AKAP19: variants seen among roughly 807,000 people sequenced by gnomAD.
The protein encoded by AKAP19 is A-kinase anchoring protein 19.
At chr2:189,884,942 T>C in the AKAP19 span, among the ~76,000 whole-genome samples, 2 of 152,224 alleles carry the variant, frequency 1.3e-5, no homozygotes, top group African/African-American at 4.8e-5. Flanking sequence ...AGATAGATTT[T>C]TAATGCAAAT....
the AKAP19 span, among the ~76,000 whole-genome samples, chr2:189,952,056 C>T: frequency 4.6e-5 from 7 of 152,192 alleles, no homozygotes; most frequent in African/African-American, 1.7e-4. Flanking sequence ...CTGGTCACTG[C>T]CTCACAATGT....
At chr2:190,162,738 T>C in the AKAP19 span, among the ~76,000 whole-genome samples, 2 of 152,208 alleles carry the variant, frequency 1.3e-5, no homozygotes, top group African/African-American at 2.4e-5. Flanking sequence ...TAAGCTCCGA[T>C]GGACATATCA....
At chr2:189,959,893 T>G in the AKAP19 span, among the ~76,000 whole-genome samples, 2 of 152,210 alleles carry the variant, frequency 1.3e-5, no homozygotes, top group African/African-American at 4.8e-5. Context: ...GAAATATTTG[T>G]GGTATTATTA....
chr2:189,975,302 A>G, the AKAP19 span, among the ~76,000 whole-genome samples: 7 of 152,312 alleles, frequency 4.6e-5, no homozygotes, highest in African/African-American at 1.7e-4. Context: ...AATGTTGAAT[A>G]TTGGCCCCCA....
the AKAP19 span, chr2:190,062,157 C>A: frequency 6.4e-7 from 1 of 1,567,462 alleles, no homozygotes. Context: ...GAAAATAGAT[C>A]TGTTTCTCAT....
the AKAP19 span, among the ~76,000 whole-genome samples, chr2:189,898,183 C>A: frequency 2.6e-5 from 4 of 151,450 alleles, no homozygotes; most frequent in East Asian, 5.8e-4. Flanking sequence ...CAGAACAAGA[C>A]CCTGTCTCCA....
chr2:189,941,444 A>G, the AKAP19 span, among the ~76,000 whole-genome samples: 1 of 152,312 alleles, frequency 6.6e-6, no homozygotes, highest in Middle Eastern at 3.4e-3. Context: ...AAAAATATGT[A>G]AACTGAGACA....
At chr2:189,894,430 G>A in the AKAP19 span, among the ~76,000 whole-genome samples, 2 of 151,798 alleles carry the variant, frequency 1.3e-5, no homozygotes, top group East Asian at 3.9e-4. Context: ...CATCTTTTGG[G>A]CATCCTCAAA....
chr2:189,956,345 A>AT, the AKAP19 span, among the ~76,000 whole-genome samples: 3 of 148,624 alleles, frequency 2.0e-5, no homozygotes, highest in Non-Finnish European at 4.5e-5. Context: ...AATTTTTTGT[A>AT]TTTTTAGTAG....
At chr2:190,111,532 T>C in the AKAP19 span, among the ~76,000 whole-genome samples, 1 of 152,184 alleles carries the variant, frequency 6.6e-6, no homozygotes, top group Non-Finnish European at 1.5e-5. Context: ...CAGCATAATC[T>C]CTTTCAACCT....
chr2:190,006,638 C>A, the AKAP19 span, among the ~76,000 whole-genome samples: 209 of 113,816 alleles, frequency 1.8e-3, no homozygotes, highest in Middle Eastern at 4.7e-3. Context: ...GACTCTGTCT[C>A]AAAAAAAAAA....
the AKAP19 span, among the ~76,000 whole-genome samples, chr2:190,192,768 T>G: frequency 1.3e-5 from 2 of 152,196 alleles, no homozygotes; most frequent in Non-Finnish European, 2.9e-5. Context: ...AATTTATCCC[T>G]AAGTGTTCAT....
the AKAP19 span, among the ~76,000 whole-genome samples, chr2:189,995,697 C>T: frequency 2.6e-5 from 4 of 151,110 alleles, no homozygotes; most frequent in Non-Finnish European, 3.0e-5. Context: ...TTTTTTTCAC[C>T]GTGTTGTTGT....
the AKAP19 span, chr2:190,202,880 T>A: frequency 1.8e-5 from 3 of 167,112 alleles, no homozygotes. Context: ...AGTTGTCGCT[T>A]ATGTACTGTT....
At chr2:189,984,587 C>T in the AKAP19 span, among the ~76,000 whole-genome samples, 1 of 152,148 alleles carries the variant, frequency 6.6e-6, no homozygotes, top group Non-Finnish European at 1.5e-5. Context: ...ATACATCCTC[C>T]TCGGCTGACA....
chr2:190,187,411 T>TTTC, the AKAP19 span, among the ~76,000 whole-genome samples: 1 of 143,700 alleles, frequency 7.0e-6, no homozygotes, highest in African/African-American at 2.5e-5. Context: ...AGAAGTTACT[T>TTTC]TTTTTTTTTT....
At chr2:190,034,310 TA>T in the AKAP19 span, among the ~76,000 whole-genome samples, 1 of 151,828 alleles carries the variant, frequency 6.6e-6, no homozygotes, top group African/African-American at 2.4e-5. Context: ...TTTTTGCTTC[TA>T]ATGAACGTAC....
the AKAP19 span, among the ~76,000 whole-genome samples, chr2:189,988,726 CCTT>C: frequency 1.3e-5 from 2 of 152,204 alleles, no homozygotes; most frequent in Non-Finnish European, 2.9e-5. Context: ...GACTGACTCT[CCTT>C]CTTCCGAAGT....
the AKAP19 span, among the ~76,000 whole-genome samples, chr2:190,035,878 A>T: frequency 6.6e-6 from 1 of 152,208 alleles, no homozygotes; most frequent in South Asian, 2.1e-4. Flanking sequence ...CTGAACATTC[A>T]CAAACAGATT....
Sources: allele counts gnomAD v4.1 joint callset (sites outside exome capture counted in the v4.1 genomes callset), GRCh38; gene constraint gnomAD v4.1.1; transcripts MANE v1.5; gene names NCBI Gene and HGNC (gene_info 2026-07-23, HGNC 2026-07-21).